FNDC3B: variants seen among roughly 807,000 people sequenced by gnomAD.
FNDC3B encodes the protein fibronectin type III domain-containing protein 3B.
FNDC3B carries 12 observed loss-of-function variants against 151.5 expected under a neutral mutation model. The ratio of observed to expected loss-of-function variants is 0.08; its 90% CI spans 0.05 to 0.13. The LOEUF is 0.13. Ranked by LOEUF, FNDC3B falls within the 10% of genes least tolerant of loss-of-function variation. FNDC3B has a pLI of 1.00. For missense variants in FNDC3B, 1,214 were observed against 1,505.3 expected (o/e 0.81, Z 3.20); for synonymous variants, 528 against 549.0 (o/e 0.96, Z 0.54).
Position 172,398,618 on chromosome 3 carries a change from G to T in FNDC3B, c.*1143G>T, listed in dbSNP as rs1020770902. On this transcript the variant is annotated 3_prime_UTR_variant, in exon 26 of 26. Coordinates refer to ENST00000415807, the MANE Select transcript of FNDC3B (RefSeq NM_022763.4). Reference sequence around the variant, plus strand: ...CCTGGCCATGGTTGGAGAGGGAATGGTGTTTGATGGTAAACACAGGGTGTT... The same window carrying T: ...CCTGGCCATGGTTGGAGAGGGAATGTTGTTTGATGGTAAACACAGGGTGTT... The T allele has an allele frequency of 6.6e-6, 1 of 152,198 alleles. No individual in the cohort carries two copies. The highest frequency in any genetic ancestry group is 2.1e-4 in the South Asian group (1 of 4,826). The allele number at this position is 152,198 out of a possible 1,614,324, so 9.4% of individuals were successfully genotyped here. A position where few individuals can be genotyped will look rare whatever the true frequency, so the allele number is the denominator to read the frequency against.
At chr3:172,289,064 T>C (rs1730178529) in intron 7 of FNDC3B, among the ~76,000 whole-genome samples, 2 of 152,246 alleles carry the variant, frequency 1.3e-5, no homozygotes, top group Non-Finnish European at 2.9e-5. Context: ...AGTACAAATT[T>C]ATTGTCATAA....
intron 4 of FNDC3B, among the ~76,000 whole-genome samples, chr3:172,240,326 A>G (rs1727432226): frequency 6.6e-6 from 1 of 152,170 alleles, no homozygotes; most frequent in Admixed American, 6.5e-5. Flanking sequence ...GATTTAGTGG[A>G]GTGGTAACAT....
intron 6 of FNDC3B, among the ~76,000 whole-genome samples, chr3:172,275,672 T>C (rs1729398552): frequency 6.6e-6 from 1 of 152,214 alleles, no homozygotes; most frequent in South Asian, 2.1e-4. Flanking sequence ...AACAACCTCT[T>C]GCAAGTAGCA....
chr3:172,255,329 C>T (rs369856593), intron 6 of FNDC3B, among the ~76,000 whole-genome samples: 228 of 152,228 alleles, frequency 1.5e-3, no homozygotes, highest in Middle Eastern at 6.8e-3. Context: ...AGTGCAATGG[C>T]GTGACCTCAG....
At chr3:172,383,830 A>G (rs1046662949) in intron 25 of FNDC3B, among the ~76,000 whole-genome samples, 7 of 152,230 alleles carry the variant, frequency 4.6e-5, no homozygotes, top group African/African-American at 1.7e-4. Context: ...TAGATACTCT[A>G]TAGGCTTTCA....
intron 6 of FNDC3B, among the ~76,000 whole-genome samples, chr3:172,281,215 ATATTTATTTATTTATTTATTTATT>A (rs56357726): frequency 1.5e-5 from 2 of 132,466 alleles, no homozygotes; most frequent in African/African-American, 5.7e-5. Context: ...ATTATTATTT[ATATTTATTTATTTATTTATTTATT>A]TATTTATTTA....
chr3:172,121,392 C>A (rs926366815), intron 2 of FNDC3B, among the ~76,000 whole-genome samples: 1 of 152,084 alleles, frequency 6.6e-6, no homozygotes, highest in Non-Finnish European at 1.5e-5. Flanking sequence ...CATGTTAGGA[C>A]CCGTGTGGGT....
At chr3:172,321,321 G>C (rs374813475) in intron 11 of FNDC3B, among the ~76,000 whole-genome samples, 13 of 152,208 alleles carry the variant, frequency 8.5e-5, no homozygotes, top group Non-Finnish European at 1.9e-4. Flanking sequence ...ATGTGATTCT[G>C]TAAGATGAAG....
At chr3:172,115,304 A>G (rs1720190659) in intron 2 of FNDC3B, among the ~76,000 whole-genome samples, 1 of 152,186 alleles carries the variant, frequency 6.6e-6, no homozygotes, top group Non-Finnish European at 1.5e-5. Context: ...AGTGAAGGAG[A>G]AGGAAAACCA....
chr3:172,286,214 T>TCTAATGCA (rs1730008933), intron 7 of FNDC3B, among the ~76,000 whole-genome samples: 3 of 152,168 alleles, frequency 2.0e-5, no homozygotes, highest in Non-Finnish European at 4.4e-5. Flanking sequence ...TATTTAGGTA[T>TCTAATGCA]TCTGAATGCA....
At chr3:172,250,407 A>T (rs1728004748) in intron 5 of FNDC3B, among the ~76,000 whole-genome samples, 1 of 152,220 alleles carries the variant, frequency 6.6e-6, no homozygotes, top group Non-Finnish European at 1.5e-5. Flanking sequence ...AAATGGAAAT[A>T]TGTCATCTCA....
intron 9 of FNDC3B, among the ~76,000 whole-genome samples, chr3:172,303,750 T>G (rs1366779147): frequency 3.3e-5 from 5 of 152,210 alleles, no homozygotes. Context: ...TGCAGTATTC[T>G]TTTAAAATGT....
chr3:172,237,046 T>C (rs1402747525), intron 4 of FNDC3B, among the ~76,000 whole-genome samples: 1 of 152,344 alleles, frequency 6.6e-6, no homozygotes, highest in East Asian at 1.9e-4. Flanking sequence ...GAAGCTTGGC[T>C]TTATTTCTGA....
chr3:172,209,873 G>A (rs1222279626), intron 3 of FNDC3B, among the ~76,000 whole-genome samples: 4 of 152,270 alleles, frequency 2.6e-5, no homozygotes, highest in Admixed American at 6.5e-5. Context: ...TCCCATGCTC[G>A]TTGGTGCCCA....
rs759821513 is a variant in FNDC3B, at chr3:172,250,470, CTT to C, written c.509-788_509-787del. Among the ~76,000 whole-genome samples the C allele has an allele frequency of 2.6e-5, 4 of 152,156 alleles. No homozygotes were observed. The South Asian group carries it at 8.3e-4, about 31-fold the overall frequency. On this transcript the variant is annotated intron_variant, in intron 5 of 25. Coordinates refer to ENST00000415807, the MANE Select transcript of FNDC3B (RefSeq NM_022763.4). ...TGGCTCTTTTGTATGCCACAGAAAA[CTT>C]TGACTGCAATATACTTCCCAGTAGA... is the stretch of plus-strand genomic sequence containing the variant.
intron 2 of FNDC3B, among the ~76,000 whole-genome samples, chr3:172,122,278 C>T (rs1345797289): frequency 1.1e-5 from 1 of 90,150 alleles, no homozygotes; most frequent in Non-Finnish European, 2.6e-5. Flanking sequence ...TACTCATTCT[C>T]GTTCTTTTTT....
At chr3:172,152,943 A>C (rs1722304684) in intron 3 of FNDC3B, among the ~76,000 whole-genome samples, 1 of 152,144 alleles carries the variant, frequency 6.6e-6, no homozygotes, top group Non-Finnish European at 1.5e-5. Flanking sequence ...GTGAGGTATT[A>C]TGATGACATC....
At chr3:172,231,980 A>G (rs1434685862) in intron 4 of FNDC3B, among the ~76,000 whole-genome samples, 2 of 145,166 alleles carry the variant, frequency 1.4e-5, no homozygotes, top group African/African-American at 5.1e-5. Flanking sequence ...TCCTGGGTTC[A>G]AGCAATTCTC....
chr3:172,257,753 C>T (rs1269873066), intron 6 of FNDC3B, among the ~76,000 whole-genome samples: 1 of 152,162 alleles, frequency 6.6e-6, no homozygotes, highest in Admixed American at 6.5e-5. Flanking sequence ...AGTATCAGTA[C>T]CATCTAGAAG....
Sources: allele counts gnomAD v4.1 joint callset (sites outside exome capture counted in the v4.1 genomes callset), GRCh38; gene constraint gnomAD v4.1.1; transcripts MANE v1.5; gene names NCBI Gene and HGNC (gene_info 2026-07-23, HGNC 2026-07-21).